The following USP34 variants were observed in gnomAD, a reference collection of about 807,000 sequenced individuals.
USP34 encodes the protein ubiquitin specific peptidase 34.
USP34 carries 70 observed loss-of-function variants against 460.3 expected under a neutral mutation model. The ratio of observed to expected loss-of-function variants is 0.15; its 90% confidence interval spans 0.13 to 0.19. The LOEUF (loss-of-function observed/expected upper bound fraction) is 0.19, where lower values mean the gene tolerates loss of function less well. USP34 is among the 10% of genes least tolerant of loss of function. The probability of loss-of-function intolerance (pLI) is 1.00; values close to 1 mark genes in which losing one functional copy is unlikely to be tolerated. For missense variants in USP34, 3,985 were observed against 4,236.2 expected (o/e 0.94, Z 1.65); for synonymous variants, 1,647 against 1,405.3 (o/e 1.17, Z -3.85).
At chr2:61,443,491 G>GT (rs1445122742) in intron 1 of USP34, among the ~76,000 whole-genome samples, 2 of 42,230 alleles carry the variant, frequency 4.7e-5, no homozygotes, top group Non-Finnish European at 7.5e-5. Flanking sequence ...CAGCAGATGT[G>GT]TTAAAAAAAA....
chr2:61,324,326 G>C (rs1691019198), intron 21 of USP34, among the ~76,000 whole-genome samples: 1 of 152,144 alleles, frequency 6.6e-6, no homozygotes, highest in South Asian at 2.1e-4. Flanking sequence ...TAACGAAACT[G>C]AGTTTAAAGT....
intron 39 of USP34, 74 bp downstream of exon 39, chr2:61,280,170 G>C: frequency 1.1e-6 from 1 of 872,638 alleles, no homozygotes; most frequent in Non-Finnish European, 1.7e-6. Context: ...AACCAATAAA[G>C]TCATGAACAT....
chr2:61,339,067 G>A (rs1168458631), intron 18 of USP34, among the ~76,000 whole-genome samples: 10 of 152,060 alleles, frequency 6.6e-5, no homozygotes, highest in Admixed American at 6.6e-4. Flanking sequence ...TAATCACCAA[G>A]GTGTCCCCAG....
chr2:61,256,604 T>TA, intron 47 of USP34, 126 bp from the exon 48 acceptor site: 1 of 706,450 alleles, frequency 1.4e-6, no homozygotes, highest in Non-Finnish European at 2.2e-6. Context: ...AGTGAATTCT[T>TA]AAATTTTAGT....
intron 5 of USP34, among the ~76,000 whole-genome samples, chr2:61,389,689 A>T (rs1048094172): frequency 6.6e-6 from 1 of 152,296 alleles, no homozygotes; most frequent in East Asian, 1.9e-4. Flanking sequence ...TCCCAACATC[A>T]TAAAAACCAA....
chr2:61,256,590 T>G, intron 47 of USP34, 112 bp from the exon 48 acceptor site: 2 of 696,540 alleles, frequency 2.9e-6, no homozygotes, highest in Non-Finnish European at 4.4e-6. Context: ...ATTTTTTTTT[T>G]AAAAGTGAAT....
chr2:61,203,295 T>C, intron 74 of USP34, 32 bp from the exon 75 acceptor site: 1 of 1,471,788 alleles, frequency 6.8e-7, no homozygotes, highest in Non-Finnish European at 9.0e-7. Flanking sequence ...ATGGTTGCAC[T>C]TAAATTGTAT....
intron 53 of USP34, among the ~76,000 whole-genome samples, chr2:61,237,142 A>C (rs891979405): frequency 2.6e-5 from 4 of 152,172 alleles, no homozygotes; most frequent in African/African-American, 9.7e-5. Flanking sequence ...ATATTCCAGA[A>C]ATCACAGTCT....
intron 41 of USP34, among the ~76,000 whole-genome samples, chr2:61,269,408 C>A (rs1045320291): frequency 6.6e-6 from 1 of 150,802 alleles, no homozygotes; most frequent in Non-Finnish European, 1.5e-5. Context: ...TCAAGCAATC[C>A]TTTTGCCTCG....
At chr2:61,343,595 T>G (rs1691670307) in intron 16 of USP34, among the ~76,000 whole-genome samples, 1 of 152,168 alleles carries the variant, frequency 6.6e-6, no homozygotes, top group Admixed American at 6.5e-5. Flanking sequence ...CTTTCCCCGC[T>G]GAATATCTCA....
intron 2 of USP34, among the ~76,000 whole-genome samples, chr2:61,414,485 G>C (rs1208666980): frequency 6.6e-6 from 1 of 152,110 alleles, no homozygotes; most frequent in Non-Finnish European, 1.5e-5. Context: ...ATCTCCCCTT[G>C]TATCCTCTCT....
chr2:61,242,512 G>T (rs1395706995), intron 51 of USP34, among the ~76,000 whole-genome samples: 1 of 142,274 alleles, frequency 7.0e-6, no homozygotes, highest in Non-Finnish European at 1.5e-5. Flanking sequence ...CGATGCAAAG[G>T]AAAGAAAAGG....
chr2:61,211,576 A>G (rs777802635), intron 69 of USP34, among the ~76,000 whole-genome samples, 196 bp downstream of exon 69: 1 of 152,222 alleles, frequency 6.6e-6, no homozygotes, highest in African/African-American at 2.4e-5. Context: ...CAACCCTAAA[A>G]TGATAAAACA....
chr2:61,370,617 T>C (rs377587662), intron 8 of USP34, 38 bp from the exon 9 acceptor site: 281 of 1,577,790 alleles, frequency 1.8e-4, no homozygotes, highest in African/African-American at 4.6e-4. Flanking sequence ...TTAAAAAAAA[T>C]TGTCATCTTT....
At chr2:61,222,693 AT>A in intron 64 of USP34, 30 bp from the exon 65 acceptor site, 1 of 1,603,526 alleles carries the variant, frequency 6.2e-7, no homozygotes, top group Non-Finnish European at 8.5e-7. Flanking sequence ...ATTTCAGGAT[AT>A]TCTTGTTTTG....
intron 75 of USP34, 114 bp from the exon 76 acceptor site, chr2:61,193,094 A>G (rs1686687984): frequency 1.2e-5 from 10 of 820,136 alleles, no homozygotes; most frequent in South Asian, 7.5e-5. Context: ...CATATTTTCT[A>G]TATTTTAAAG....
At chr2:61,259,821 T>G in intron 43 of USP34, 45 bp from the exon 44 acceptor site, 1 of 1,570,560 alleles carries the variant, frequency 6.4e-7, no homozygotes, top group South Asian at 1.1e-5. Flanking sequence ...GACATGATGG[T>G]AGTAAATTAG....
intron 43 of USP34, 95 bp downstream of exon 43, chr2:61,265,302 T>C: frequency 7.3e-7 from 1 of 1,368,622 alleles, no homozygotes; most frequent in South Asian, 1.4e-5. Context: ...CACAAATTAT[T>C]TTTTCAAACA....
chr2:61,360,665 CTT>C (rs2103811505), intron 10 of USP34, among the ~76,000 whole-genome samples: 1 of 152,280 alleles, frequency 6.6e-6, no homozygotes, highest in Non-Finnish European at 1.5e-5. Flanking sequence ...CAATGGCAGT[CTT>C]TTGTTTTGAG....
Sources: gnomAD v4.1 joint callset for allele counts (sites outside exome capture counted in the v4.1 genomes callset) on GRCh38, gnomAD v4.1.1 for gene constraint, MANE v1.5 for transcripts, NCBI Gene and HGNC (gene_info 2026-07-23, HGNC 2026-07-21) for gene names.